Variants in WWC2 observed in about 807,000 individuals in gnomAD.
The protein encoded by WWC2 is WW and C2 domain containing 2.
A neutral mutation model predicts 138.5 loss-of-function variants in WWC2; 101 were observed. The ratio of observed to expected loss-of-function variants is 0.73; its 90% CI spans 0.62 to 0.86. WWC2 has a LOEUF of 0.86. Among genes scored for constraint, WWC2 ranks in the 40% least tolerant of loss-of-function variants. The probability of loss-of-function intolerance (pLI) is 0.00; values close to 1 mark genes in which losing one functional copy is unlikely to be tolerated. For synonymous variants in WWC2, 558 were observed against 538.4 expected, an observed-to-expected ratio of 1.04 and a Z score of -0.50; for missense variants, 1,420 against 1,419.4, an observed-to-expected ratio of 1.00 and a Z score of -0.01.
chr4:183,102,704 C>T (rs909176941), intron 1 of WWC2, among the ~76,000 whole-genome samples: 2 of 152,048 alleles, frequency 1.3e-5, no homozygotes, highest in Non-Finnish European at 2.9e-5. Context: ...GGAAATCTCC[C>T]TGTTTGTGAT....
chr4:183,235,890 G>A (rs1353505259), intron 4 of WWC2, among the ~76,000 whole-genome samples: 2 of 152,114 alleles, frequency 1.3e-5, no homozygotes, highest in Non-Finnish European at 2.9e-5. Flanking sequence ...GATTTTTTGT[G>A]TAATATTTAT....
At chr4:183,244,665 A>G (rs547718905) in intron 5 of WWC2, among the ~76,000 whole-genome samples, 83 of 152,290 alleles carry the variant, frequency 5.5e-4, no homozygotes, top group African/African-American at 1.9e-3. Context: ...TAATTTACTT[A>G]TTAACCATTT....
At chr4:183,145,197 A>G (rs1733417071) in intron 1 of WWC2, among the ~76,000 whole-genome samples, 1 of 152,212 alleles carries the variant, frequency 6.6e-6, no homozygotes, top group African/African-American at 2.4e-5. Context: ...TTGCCCTCAT[A>G]GGGTTGTTAA....
rs995116725 is a variant in WWC2, at chr4:183,099,305, G to C, written c.-187G>C. Reference sequence around the variant, plus strand: ...CAGACATGGTGGACTGATCCGCAGCGGGGCCGCGAACAGCGTTTCCTGAGG... The same window carrying C: ...CAGACATGGTGGACTGATCCGCAGCCGGGCCGCGAACAGCGTTTCCTGAGG... On this transcript the variant is annotated 5_prime_UTR_variant, in exon 1 of 23. Coordinates refer to ENST00000403733, the MANE Select transcript of WWC2 (RefSeq NM_024949.6). 37 of 413,506 alleles carry C rather than the reference G, an allele frequency of 8.9e-5. No individual in the cohort carries two copies. The Admixed American group carries it at 1.0e-3, about 11-fold the overall frequency. 25.6% of individuals were successfully genotyped at this position (413,506 alleles called of 1,614,324 possible). A position where few individuals can be genotyped will look rare whatever the true frequency, so the allele number is the denominator to read the frequency against.
rs1433487815 is a variant in WWC2, at chr4:183,319,439, A to G, written c.*3710A>G. On this transcript the variant is annotated 3_prime_UTR_variant, in exon 23 of 23. Transcript: ENST00000403733. ...AAAGAAACTATAGTTTAATAGCCAC[A>G]GGAAAAGATGCATTTTCAAAAATCA... The G allele has an allele frequency of 1.8e-6, 2 of 1,103,268 alleles. No individual in the cohort carries two copies. Among genetic ancestry groups the G allele is most frequent in the Non-Finnish European group, 2.6e-6 (2 of 765,572 alleles). The allele number at this position is 1,103,268 out of a possible 1,614,324, so 68.3% of individuals were successfully genotyped here.
At position 183,315,751 on chromosome 4, in the gene WWC2, T is replaced by A; in HGVS notation, c.*22T>A. ...GTGATTACATGACTTAAGAAATTAT[T>A]TTTTCATCTGTTCACTTTCTTAGGG... On this transcript the variant is annotated 3_prime_UTR_variant, in exon 23 of 23. Transcript: ENST00000403733. 6.3e-7 allele frequency: 1 copy of A among 1,592,588 alleles called. No homozygotes were observed. The highest frequency in any genetic ancestry group is 1.1e-5 in the South Asian group (1 of 88,746).
chr4:183,126,234 G>T (rs1407889421), intron 1 of WWC2, among the ~76,000 whole-genome samples: 1 of 152,232 alleles, frequency 6.6e-6, no homozygotes, highest in Non-Finnish European at 1.5e-5. Flanking sequence ...ACTGCTGACA[G>T]AACTGGGTGA....
intron 4 of WWC2, among the ~76,000 whole-genome samples, chr4:183,231,049 G>C (rs1007667443): frequency 6.6e-5 from 10 of 152,062 alleles, no homozygotes; most frequent in Non-Finnish European, 2.9e-5. Context: ...TGACAAGATT[G>C]TATGAACAAA....
intron 16 of WWC2, among the ~76,000 whole-genome samples, chr4:183,277,317 T>G (rs1312457966): frequency 5.3e-5 from 8 of 151,572 alleles, no homozygotes; most frequent in African/African-American, 1.9e-4. Context: ...AACTCATCAT[T>G]TTTTATGGCT....
chr4:183,192,756 ATGG>A (rs1452233019), intron 1 of WWC2, among the ~76,000 whole-genome samples: 1 of 152,114 alleles, frequency 6.6e-6, no homozygotes, highest in Non-Finnish European at 1.5e-5. Context: ...GTGTTGACTG[ATGG>A]TGGCCACACT....
Position 183,312,487 on chromosome 4 carries a change from G to T in WWC2, c.3512+19G>T, listed in dbSNP as rs1303855176. ...CCTTCAGGTGAATAGCCCCATCCAG[G>T]ACAGCTTTTGGGTTGCCCTCACGGG... is the stretch of plus-strand genomic sequence containing the variant. On this transcript the variant is annotated intron_variant, in intron 22 of 22. Transcript: ENST00000403733. The T allele has an allele frequency of 1.9e-6, 3 of 1,612,664 alleles. No individual in the cohort carries two copies. Among genetic ancestry groups the T allele is most frequent in the South Asian group, 2.2e-5 (2 of 90,940 alleles).
At chr4:183,135,544 T>TTA (rs376850602) in intron 1 of WWC2, among the ~76,000 whole-genome samples, 1,645 of 150,002 alleles carry the variant, frequency 0.011, 17 homozygotes, top group African/African-American at 0.027. Flanking sequence ...AGTACTTTAA[T>TTA]TATATATATA....
intron 10 of WWC2, among the ~76,000 whole-genome samples, chr4:183,260,358 T>C (rs1322413540): frequency 1.3e-5 from 2 of 152,226 alleles, no homozygotes; most frequent in African/African-American, 2.4e-5. Context: ...GATTTGCTAC[T>C]TAAAGAGTAT....
At chr4:183,215,909 C>A (rs1310384262) in intron 4 of WWC2, among the ~76,000 whole-genome samples, 2 of 151,980 alleles carry the variant, frequency 1.3e-5, no homozygotes, top group African/African-American at 4.8e-5. Context: ...ATAATCTGAG[C>A]AAACAGGATT....
intron 1 of WWC2, among the ~76,000 whole-genome samples, chr4:183,101,437 A>G (rs556833079): frequency 9.1e-4 from 139 of 152,332 alleles, no homozygotes; most frequent in African/African-American, 3.2e-3. Flanking sequence ...ATAGGGACAA[A>G]TAGTTTTGAC....
rs147617002 is a variant in WWC2 at position 183,181,941 on chromosome 4, A to T, written c.132-11658A>T. On this transcript the variant is annotated intron_variant, in intron 1 of 22. Transcript: ENST00000403733. Reference sequence around the variant, plus strand: ...ATCTATTAACTGTTTTATAAAATGTATATTTTTAAGTCAACATTGAAAACT... The same window carrying T: ...ATCTATTAACTGTTTTATAAAATGTTTATTTTTAAGTCAACATTGAAAACT... Among the ~76,000 whole-genome samples the T allele has an allele frequency of 5.1e-3, 780 of 152,330 alleles. 13 individuals are homozygous for T. Among genetic ancestry groups the T allele is most frequent in the African/African-American group, 0.018 (729 of 41,580 alleles).
At chr4:183,117,425 T>G (rs1343989756) in intron 1 of WWC2, among the ~76,000 whole-genome samples, 1 of 151,848 alleles carries the variant, frequency 6.6e-6, no homozygotes, top group Non-Finnish European at 1.5e-5. Flanking sequence ...TTCACCATAT[T>G]GGTCAGGCTG....
At chr4:183,250,511 T>C (rs1197933802) in intron 8 of WWC2, among the ~76,000 whole-genome samples, 2 of 152,180 alleles carry the variant, frequency 1.3e-5, no homozygotes, top group African/African-American at 4.8e-5. Context: ...TTTCTCTCTT[T>C]TACCTCATAA....
chr4:183,274,076 TC>T (rs1162438289), intron 16 of WWC2, among the ~76,000 whole-genome samples: 8 of 152,228 alleles, frequency 5.3e-5, no homozygotes, highest in Non-Finnish European at 2.9e-5. Context: ...TGTTCATTAA[TC>T]CACATGTCTG....
Sources: gnomAD v4.1 joint callset for allele counts (sites outside exome capture counted in the v4.1 genomes callset) on GRCh38, gnomAD v4.1.1 for gene constraint, MANE v1.5 for transcripts, NCBI Gene and HGNC (gene_info 2026-07-23, HGNC 2026-07-21) for gene names.